FBH1: variants seen among roughly 807,000 people sequenced by gnomAD.
The protein encoded by FBH1 is F-box DNA helicase 1.
FBH1 carries 43 observed loss-of-function variants against 115.5 expected under a neutral mutation model. That is an observed-to-expected ratio of 0.37 (90% CI 0.29 to 0.48). The LOEUF (loss-of-function observed/expected upper bound fraction) is 0.48, where lower values mean the gene tolerates loss of function less well. FBH1 is among the 20% of genes least tolerant of loss of function. FBH1 has a pLI of 0.99. For synonymous variants in FBH1, 524 were observed against 507.8 expected, an observed-to-expected ratio of 1.03 and a Z score of -0.43; for missense variants, 1,001 against 1,337.3, an observed-to-expected ratio of 0.75 and a Z score of 3.92.
In FBH1 at chr10:5,895,153, T is replaced by A. The variant is rs893156633; in HGVS notation, c.1+4807T>A. 3 of 1,613,694 alleles carry A rather than the reference T, an allele frequency of 1.9e-6. No homozygotes were observed. The highest frequency in any genetic ancestry group is 2.7e-5 in the African/African-American group (2 of 74,890). On this transcript the variant is annotated intron_variant, in intron 1 of 20. Transcript: ENST00000362091. The surrounding 1 kb of genome is among the most constrained non-coding windows in gnomAD (Gnocchi z 5.0). Reference sequence around the variant, plus strand: ...TCCACAGGAGATGCCAGAGGACGAGTGCCCACTTGCTGGTCTTCACAGAGC... The same window carrying A: ...TCCACAGGAGATGCCAGAGGACGAGAGCCCACTTGCTGGTCTTCACAGAGC...
chr10:5,891,901 C>T (rs954701908), intron 1 of FBH1, among the ~76,000 whole-genome samples: 1 of 152,196 alleles, frequency 6.6e-6, no homozygotes, highest in African/African-American at 2.4e-5. Context: ...CGTGAGCCAC[C>T]GTGCCTAGCC....
At chr10:5,934,378 T>TG (rs1437966374) in intron 19 of FBH1, 1 of 43,726 alleles carries the variant, frequency 2.3e-5, no homozygotes, top group African/African-American at 5.3e-5. Context: ...TTTTTTTTGT[T>TG]TTTTTTTTTT....
Position 5,914,187 on chromosome 10 carries a change from C to A in FBH1, c.1314C>A (p.Thr438=), listed in dbSNP as rs1374053399. 6.2e-7 allele frequency: 1 copy of A among 1,614,072 alleles called. No individual in the cohort carries two copies. The highest frequency in any genetic ancestry group is 1.1e-5 in the South Asian group (1 of 91,076). ...TTTGTAATGATTATAGCAAGAAAAC[C>A]ATCCAACTTACACATGAACAACAGC... ...EEPSVWPGKK[T]IQLTHEQQLI... is the part of the protein sequence containing the mutation. The change falls in exon 8 of 21, where the codon ACC becomes ACA. Residue 438 remains threonine (T), a synonymous_variant. Coordinates refer to ENST00000362091, the MANE Select transcript of FBH1 (RefSeq NM_178150.3). This position sits in a 1 kb window ranked among gnomAD's most constrained non-coding sequence, Gnocchi z 5.2.
In FBH1 at chr10:5,906,684, G is replaced by C; in HGVS notation, c.753+52G>C. On this transcript the variant is annotated intron_variant, in intron 3 of 20. Coordinates refer to ENST00000362091, the MANE Select transcript of FBH1 (RefSeq NM_178150.3). The surrounding 1 kb of genome is among the most constrained non-coding windows in gnomAD (Gnocchi z 7.3). Reference sequence around the variant, plus strand: ...GTTTCCTCTAAAAGCACGTAACTTTGCTTAATGCACGCTTATAATCAGAGG... The same window carrying C: ...GTTTCCTCTAAAAGCACGTAACTTTCCTTAATGCACGCTTATAATCAGAGG... 7.1e-6 allele frequency: 10 copies of C among 1,409,132 alleles called. No individual in the cohort carries two copies. Among genetic ancestry groups the C allele is most frequent in the Non-Finnish European group, 9.7e-6 (10 of 1,026,852 alleles). The allele number at this position is 1,409,132 out of a possible 1,614,324, so 87.3% of individuals were successfully genotyped here.
chr10:5,928,868 C>T (rs1401964550), intron 19 of FBH1, among the ~76,000 whole-genome samples: 2 of 152,214 alleles, frequency 1.3e-5, no homozygotes, highest in Admixed American at 6.5e-5. Context: ...TATAAATACT[C>T]TTTCTTGCTT....
upstream of FBH1, chr10:5,889,803 C>G (rs1842578811): frequency 6.4e-6 from 1 of 156,136 alleles, no homozygotes; most frequent in South Asian, 2.1e-4. Flanking sequence ...CGGGAGGGCG[C>G]GCACAGCCTC....
rs777550006 is a variant in FBH1 at position 5,913,964 on chromosome 10, C to T, written c.1304+125C>T. ...GGTTAATAATGTAAATTGTGTAAAA[C>T]TCACCCATCCTAAGAGTGTGATTCA... is the stretch of plus-strand genomic sequence containing the variant. On this transcript the variant is annotated intron_variant, in intron 7 of 20. Coordinates refer to ENST00000362091, the MANE Select transcript of FBH1 (RefSeq NM_178150.3). The surrounding 1 kb of genome is among the most constrained non-coding windows in gnomAD (Gnocchi z 4.4). 355 of 848,108 alleles carry T rather than the reference C, an allele frequency of 4.2e-4. 1 individual carries two copies. Among genetic ancestry groups the T allele is most frequent in the Non-Finnish European group, 5.4e-4 (287 of 530,838 alleles). The allele number at this position is 848,108 out of a possible 1,614,324, so 52.5% of individuals were successfully genotyped here.
rs1832423400 is a variant in FBH1, at chr10:5,923,340, C to T, written c.2323-281C>T. ...AGCAGTATGCAGCTGTAGGTCTTGCCCTTTTTAAAAGCGTAGGAAGAGTTT... is the reference window on the plus strand; with the variant it reads ...AGCAGTATGCAGCTGTAGGTCTTGCTCTTTTTAAAAGCGTAGGAAGAGTTT... On this transcript the variant is annotated intron_variant, in intron 15 of 20. Coordinates refer to ENST00000362091, the MANE Select transcript of FBH1 (RefSeq NM_178150.3). The surrounding 1 kb of genome is among the most constrained non-coding windows in gnomAD (Gnocchi z 5.7). 6.6e-6 allele frequency among the ~76,000 whole-genome samples: 1 copy of T among 152,146 alleles called. No individual in the cohort carries two copies. The highest frequency in any genetic ancestry group is 1.5e-5 in the Non-Finnish European group (1 of 68,038).
chr10:5,924,696 T>C lies in FBH1; in HGVS notation c.2596+188T>C. 1.5e-6 allele frequency: 1 copy of C among 650,738 alleles called. No homozygotes were observed. Among genetic ancestry groups the C allele is most frequent in the Non-Finnish European group, 2.8e-6 (1 of 359,276 alleles). 40.3% of individuals were successfully genotyped at this position (650,738 alleles called of 1,614,324 possible). A position where few individuals can be genotyped will look rare whatever the true frequency, so the allele number is the denominator to read the frequency against. On this transcript the variant is annotated intron_variant, in intron 17 of 20. Coordinates refer to ENST00000362091, the MANE Select transcript of FBH1 (RefSeq NM_178150.3). This position sits in a 1 kb window ranked among gnomAD's most constrained non-coding sequence, Gnocchi z 6.2. ...AATTATCCTGCCTCAGCCTCGTGAGTAGCTGGGACTACAGGCCCCACCACC... is the reference window on the plus strand; with the variant it reads ...AATTATCCTGCCTCAGCCTCGTGAGCAGCTGGGACTACAGGCCCCACCACC...
rs548679864 is a variant in FBH1 at position 5,920,087 on chromosome 10, A to G, written c.2101-1171A>G. On this transcript the variant is annotated intron_variant, in intron 13 of 20. Transcript: ENST00000362091. ...CCCACATTACATGTAACCATGTGTC[A>G]TGAGGCTCTTCTTGGCTGTGACAGT... Among the ~76,000 whole-genome samples, 450 of 152,354 alleles carry G rather than the reference A, an allele frequency of 3.0e-3. 2 individuals carry two copies. Among genetic ancestry groups the G allele is most frequent in the African/African-American group, 9.9e-3 (410 of 41,580 alleles).
In FBH1 at chr10:5,913,885, C is replaced by T. The variant is rs1467440299; in HGVS notation, c.1304+46C>T. 7.2e-7 allele frequency: 1 copy of T among 1,381,686 alleles called. No homozygotes were observed. The highest frequency in any genetic ancestry group is 1.0e-6 in the Non-Finnish European group (1 of 987,946). The allele number at this position is 1,381,686 out of a possible 1,614,324, so 85.6% of individuals were successfully genotyped here. A position where few individuals can be genotyped will look rare whatever the true frequency, so the allele number is the denominator to read the frequency against. Reference sequence around the variant, plus strand: ...GCGTGTGTTTTGTCTTCTGTCGACTCTTCCTCATACTTAAGGAGGGAGATG... The same window carrying T: ...GCGTGTGTTTTGTCTTCTGTCGACTTTTCCTCATACTTAAGGAGGGAGATG... On this transcript the variant is annotated intron_variant, in intron 7 of 20. Transcript: ENST00000362091. This position sits in a 1 kb window ranked among gnomAD's most constrained non-coding sequence, Gnocchi z 4.4.
rs377326796 is a variant in FBH1, at chr10:5,913,738, T to C, written c.1212-9T>C. 9 of 1,532,930 alleles carry C rather than the reference T, an allele frequency of 5.9e-6. No individual in the cohort carries two copies. Among genetic ancestry groups the C allele is most frequent in the Non-Finnish European group, 7.8e-6 (9 of 1,146,628 alleles). 95.0% of individuals were successfully genotyped at this position (1,532,930 alleles called of 1,614,324 possible). ...TGAGACTTTCTAAATCTACTTTTTT[T>C]TCTGGTAGGATTCACTACAACATTT... On this transcript the variant is annotated splice_polypyrimidine_tract_variant and intron_variant, in intron 6 of 20. Transcript: ENST00000362091. This position sits in a 1 kb window ranked among gnomAD's most constrained non-coding sequence, Gnocchi z 4.4.
intron 18 of FBH1, among the ~76,000 whole-genome samples, chr10:5,926,318 T>G (rs1469224769): frequency 6.6e-6 from 1 of 152,110 alleles, no homozygotes; most frequent in Non-Finnish European, 1.5e-5. Flanking sequence ...TTCGCCATGT[T>G]GGCCAGTCTG....
rs1262917107 is a variant in FBH1 at position 5,933,110 on chromosome 10, C to T, written c.2830-3346C>T. Among the ~76,000 whole-genome samples, 2 of 152,056 alleles carry T rather than the reference C, an allele frequency of 1.3e-5. No homozygotes were observed. The highest frequency in any genetic ancestry group is 6.6e-5 in the Admixed American group (1 of 15,264). On this transcript the variant is annotated intron_variant, in intron 19 of 20. Transcript: ENST00000362091. The surrounding 1 kb of genome is among the most constrained non-coding windows in gnomAD (Gnocchi z 4.9). ...TGTATGCATAAGAGTGAAATAGGCCCGGCGCAGTAGCTCACACCTGTAATC... is the reference window on the plus strand; with the variant it reads ...TGTATGCATAAGAGTGAAATAGGCCTGGCGCAGTAGCTCACACCTGTAATC...
chr10:5,914,339 T>G lies in FBH1; in HGVS notation c.1396+70T>G. On this transcript the variant is annotated intron_variant, in intron 8 of 20. Coordinates refer to ENST00000362091, the MANE Select transcript of FBH1 (RefSeq NM_178150.3). This position sits in a 1 kb window ranked among gnomAD's most constrained non-coding sequence, Gnocchi z 5.2. ...TTTTCTCCCTACATCCCCTTCCCGC[T>G]ACCTGCCAGGGCATCTTTGCTCTGA... 1 of 1,269,678 alleles carries G rather than the reference T, an allele frequency of 7.9e-7. No homozygotes were observed. Among genetic ancestry groups the G allele is most frequent in the Non-Finnish European group, 1.2e-6 (1 of 867,176 alleles). The allele number at this position is 1,269,678 out of a possible 1,614,324, so 78.7% of individuals were successfully genotyped here.
At chr10:5,890,228 C>T (rs1842613625), upstream of FBH1, 4 of 354,916 alleles carry the variant, frequency 1.1e-5, no homozygotes, top group Non-Finnish European at 2.1e-5. Context: ...AGTCGGCGGG[C>T]GTCTCGGGCT....
chr10:5,910,744 A>G lies in FBH1; in HGVS notation c.1021-194A>G, dbSNP rs1831531543. Among the ~76,000 whole-genome samples, 1 of 152,244 alleles carries G rather than the reference A, an allele frequency of 6.6e-6. No individual in the cohort carries two copies. The highest frequency in any genetic ancestry group is 6.5e-5 in the Admixed American group (1 of 15,284). Reference sequence around the variant, plus strand: ...AACTAAGATCTCAAATCCAAAAGTGATGAGAAGGAGTCCAGGGCGAACAGA... The same window carrying G: ...AACTAAGATCTCAAATCCAAAAGTGGTGAGAAGGAGTCCAGGGCGAACAGA... On this transcript the variant is annotated intron_variant, in intron 5 of 20. Coordinates refer to ENST00000362091, the MANE Select transcript of FBH1 (RefSeq NM_178150.3). The surrounding 1 kb of genome is among the most constrained non-coding windows in gnomAD (Gnocchi z 4.8).
chr10:5,924,202 C>T lies in FBH1; in HGVS notation c.2399-109C>T, dbSNP rs913921929. On this transcript the variant is annotated intron_variant, in intron 16 of 20. Coordinates refer to ENST00000362091, the MANE Select transcript of FBH1 (RefSeq NM_178150.3). This position sits in a 1 kb window ranked among gnomAD's most constrained non-coding sequence, Gnocchi z 6.2. ...AGTCAGGCCTGGAACCCGGGTCTCC[C>T]CACTTTAAGACCATCTGCTCTTGCG... 7.3e-6 allele frequency: 8 copies of T among 1,089,552 alleles called. No individual in the cohort carries two copies. The highest frequency in any genetic ancestry group is 2.1e-5 in the Admixed American group (1 of 47,396). The allele number at this position is 1,089,552 out of a possible 1,614,324, so 67.5% of individuals were successfully genotyped here.
Position 5,912,292 on chromosome 10 carries a change from A to G in FBH1, c.1211+1164A>G, listed in dbSNP as rs1831642566. 2.6e-5 allele frequency among the ~76,000 whole-genome samples: 4 copies of G among 151,556 alleles called. No individual in the cohort carries two copies. In the South Asian group the frequency reaches 8.4e-4, roughly 32 times the overall value. ...GGCATGAAAATTACTTGAACCCAGGAGGCAGAGGCTGCAGTGAGCCGAGAT... is the reference window on the plus strand; with the variant it reads ...GGCATGAAAATTACTTGAACCCAGGGGGCAGAGGCTGCAGTGAGCCGAGAT... On this transcript the variant is annotated intron_variant, in intron 6 of 20. Transcript: ENST00000362091.
Sources: allele counts gnomAD v4.1 joint callset (sites outside exome capture counted in the v4.1 genomes callset), GRCh38; gene constraint gnomAD v4.1.1; non-coding constraint Gnocchi (gnomAD v3.1); transcripts MANE v1.5; gene names NCBI Gene and HGNC (gene_info 2026-07-23, HGNC 2026-07-21).